The following FBN1 variants were observed in gnomAD, a reference collection of about 807,000 sequenced individuals.
The protein encoded by FBN1 is fibrillin-1.
In FBN1, 29 loss-of-function variants were observed where a neutral mutation model predicts 365.1. That is an observed-to-expected ratio of 0.08 (90% confidence interval 0.06 to 0.11). The LOEUF is 0.11. Among genes scored for constraint, FBN1 ranks in the 10% least tolerant of loss-of-function variants. FBN1 has a pLI of 1.00. For missense variants in FBN1, 2,476 were observed against 3,703.2 expected (o/e 0.67, Z 8.60); for synonymous variants, 1,210 against 1,270.5 (o/e 0.95, Z 1.01).
rs114011585 is a variant in FBN1 at position 48,466,817 on chromosome 15, G to T, written c.4748-959C>A. ...AATGAAAAGTCCTCCTCTTTTACTT[G>T]TTCTCCTCTTTCTGCAATCATCCAT... On this transcript the variant is annotated intron_variant, in intron 38 of 65. Transcript: ENST00000316623. 5.2e-3 allele frequency among the ~76,000 whole-genome samples: 788 copies of T among 152,122 alleles called. 3 individuals are homozygous for T. The highest frequency in any genetic ancestry group is 0.018 in the African/African-American group (757 of 41,476).
At chr15:48,446,062 T>C (rs1028832812) in intron 47 of FBN1, among the ~76,000 whole-genome samples, 1 of 152,162 alleles carries the variant, frequency 6.6e-6, no homozygotes, top group Non-Finnish European at 1.5e-5. Context: ...CACTTTTGTA[T>C]ATTTAAAAAT....
intron 14 of FBN1, 67 bp from the exon 15 acceptor site, chr15:48,508,771 A>G (rs2043734176): frequency 6.4e-7 from 1 of 1,572,464 alleles, no homozygotes; most frequent in Non-Finnish European, 8.7e-7. Flanking sequence ...ACCAATCTGG[A>G]TGAAAATAAT....
intron 6 of FBN1, among the ~76,000 whole-genome samples, chr15:48,571,496 A>C (rs2044305112): frequency 6.6e-6 from 1 of 152,240 alleles, no homozygotes; most frequent in African/African-American, 2.4e-5. Flanking sequence ...AAATAAAAAT[A>C]TATGTACACT....
rs543963194 is a variant in FBN1, at chr15:48,494,129, C to T, written c.2728+75G>A. ...TTCTCCCTGTGAAGTTATATGACAG[C>T]TTTATCCAGTCCGAGTTAACACAAA... On this transcript the variant is annotated intron_variant, in intron 23 of 65. Coordinates refer to ENST00000316623, the MANE Select transcript of FBN1 (RefSeq NM_000138.5). The T allele has an allele frequency of 1.9e-5, 23 of 1,182,926 alleles. 1 individual carries two copies. The Middle Eastern group carries it at 6.3e-4, about 32-fold the overall frequency. 73.3% of individuals were successfully genotyped at this position (1,182,926 alleles called of 1,614,324 possible).
At chr15:48,426,671 G>A (rs1174395909) in intron 58 of FBN1, among the ~76,000 whole-genome samples, 2 of 152,094 alleles carry the variant, frequency 1.3e-5, no homozygotes. Flanking sequence ...TATACCAACA[G>A]CTGGGTGTAT....
At chr15:48,616,766 A>C (rs550565676) in intron 2 of FBN1, among the ~76,000 whole-genome samples, 46 of 152,226 alleles carry the variant, frequency 3.0e-4, no homozygotes, top group Non-Finnish European at 6.0e-4. Flanking sequence ...AGCTCTGTGC[A>C]AGTAGCAATA....
chr15:48,435,022 C>G (rs376745979), intron 53 of FBN1, among the ~76,000 whole-genome samples: 9 of 152,164 alleles, frequency 5.9e-5, no homozygotes, highest in African/African-American at 1.9e-4. Context: ...GTCTTGAACT[C>G]TTGACCTCAA....
At chr15:48,522,148 AC>A (rs1211796034) in intron 9 of FBN1, among the ~76,000 whole-genome samples, 1 of 152,096 alleles carries the variant, frequency 6.6e-6, no homozygotes, top group Non-Finnish European at 1.5e-5. Flanking sequence ...GTCTCCCATC[AC>A]CCTCAGATGG....
At chr15:48,642,060 A>T (rs1424256088) in intron 2 of FBN1, 4 of 152,202 alleles carry the variant, frequency 2.6e-5, no homozygotes, top group African/African-American at 9.6e-5. Flanking sequence ...TCACTAGGGA[A>T]CTGTTCCAGT....
chr15:48,448,247 A>G (rs1336410489), intron 46 of FBN1, among the ~76,000 whole-genome samples: 1 of 150,132 alleles, frequency 6.7e-6, no homozygotes, highest in East Asian at 1.9e-4. Context: ...GAAGAAAATG[A>G]TTCATTACAC....
intron 3 of FBN1, among the ~76,000 whole-genome samples, chr15:48,612,546 T>C (rs2044664396): frequency 6.6e-6 from 1 of 152,218 alleles, no homozygotes; most frequent in South Asian, 2.1e-4. Context: ...ATTTGAGATC[T>C]TTCTTAGTCT....
chr15:48,412,716 G>T lies in FBN1; in HGVS notation c.8079C>A (p.Gly2693=), dbSNP rs2042873692. 1 of 1,614,090 alleles carries T rather than the reference G, an allele frequency of 6.2e-7. No individual in the cohort carries two copies. Among genetic ancestry groups the T allele is most frequent in the Non-Finnish European group, 8.5e-7 (1 of 1,180,042 alleles). The part of the protein sequence containing the change: ...QGHCVSGMGM[G]RGNPEPPVSG... ...TGACAGGTGGCTCTGGGTTTCCTCG[G>T]CCCATGCCCATTCCAGAAACACAGT... Residue 2693 remains glycine (G), a synonymous_variant, in exon 65 of 66, where the codon GGC becomes GGA. Transcript: ENST00000316623.
At chr15:48,592,238 C>T (rs917111883) in intron 6 of FBN1, among the ~76,000 whole-genome samples, 2 of 152,048 alleles carry the variant, frequency 1.3e-5, no homozygotes, top group East Asian at 1.9e-4. Context: ...TCTCTTCTTC[C>T]CTAAGCCTAT....
Position 48,464,036 on chromosome 15 carries a change from G to A in FBN1, c.4943-15C>T. The A allele has an allele frequency of 6.2e-7, 1 of 1,613,610 alleles. No individual in the cohort carries two copies. Among genetic ancestry groups the A allele is most frequent in the South Asian group, 1.1e-5 (1 of 91,054 alleles). On this transcript the variant is annotated splice_polypyrimidine_tract_variant and intron_variant, in intron 40 of 65. Coordinates refer to ENST00000316623, the MANE Select transcript of FBN1 (RefSeq NM_000138.5). ...TTCATTCACATCTATAATCCAAAGA[G>A]AAAGTGGTATGTGAATATGAAAACT...
rs1028528000 is a variant in FBN1 at position 48,483,754 on chromosome 15, T to C, written c.3838+64A>G. On this transcript the variant is annotated intron_variant, in intron 31 of 65. Transcript: ENST00000316623. The stretch of plus-strand genomic sequence containing the variant: ...TTCTATCACTGACCCAAACTAACTT[T>C]ATGTAATTTAACAGTGCTTATGACT... The C allele has an allele frequency of 6.3e-6, 10 of 1,594,920 alleles. No homozygotes were observed. In the African/African-American group the frequency reaches 9.4e-5, roughly 15 times the overall value.
chr15:48,566,604 T>A (rs1045411611), intron 6 of FBN1, among the ~76,000 whole-genome samples: 7 of 152,246 alleles, frequency 4.6e-5, no homozygotes, highest in African/African-American at 1.7e-4. Flanking sequence ...AACTTTGGGT[T>A]CATGTTTTAT....
chr15:48,596,867 T>C (rs1359335569), intron 5 of FBN1, among the ~76,000 whole-genome samples: 1 of 152,144 alleles, frequency 6.6e-6, no homozygotes, highest in Non-Finnish European at 1.5e-5. Context: ...ATAATGAAAA[T>C]CCAATTGAGA....
At chr15:48,514,085 T>C (rs2043782753) in intron 12 of FBN1, among the ~76,000 whole-genome samples, 2 of 152,184 alleles carry the variant, frequency 1.3e-5, no homozygotes, top group Admixed American at 6.5e-5. Flanking sequence ...TGAGTTCCAC[T>C]AAAATGTTAG....
intron 6 of FBN1, among the ~76,000 whole-genome samples, chr15:48,562,201 A>G (rs1054095463): frequency 6.6e-6 from 1 of 152,108 alleles, no homozygotes; most frequent in Non-Finnish European, 1.5e-5. Flanking sequence ...AAAAGCAGAG[A>G]TTGGGCCAGA....
Sources: gnomAD v4.1 joint callset for allele counts (sites outside exome capture counted in the v4.1 genomes callset) on GRCh38, gnomAD v4.1.1 for gene constraint, MANE v1.5 for transcripts, NCBI Gene and HGNC (gene_info 2026-07-23, HGNC 2026-07-21) for gene names.